The following PDE1C variants were observed in gnomAD, a reference collection of about 807,000 sequenced individuals.
The protein encoded by PDE1C is phosphodiesterase 1C.
In PDE1C, 62 loss-of-function variants were observed where a neutral mutation model predicts 93.1. The ratio of observed to expected loss-of-function variants is 0.67; its 90% confidence interval spans 0.54 to 0.82. The LOEUF is 0.82. Among genes scored for constraint, PDE1C ranks in the 40% least tolerant of loss-of-function variants. PDE1C has a pLI of 0.00. For missense variants in PDE1C, 742 were observed against 884.6 expected, an observed-to-expected ratio of 0.84 and a Z score of 2.04; for synonymous variants, 325 against 310.1, an observed-to-expected ratio of 1.05 and a Z score of -0.50.
intron 2 of PDE1C, among the ~76,000 whole-genome samples, chr7:31,965,829 C>A (rs778917301): frequency 1.6e-4 from 25 of 152,144 alleles, no homozygotes; most frequent in Non-Finnish European, 3.2e-4. Flanking sequence ...AAATAATTTC[C>A]AACCCAGAAT....
At chr7:32,333,158 G>A (rs1783547054) in intron 1 of PDE1C, among the ~76,000 whole-genome samples, 1 of 152,166 alleles carries the variant, frequency 6.6e-6, no homozygotes, top group Non-Finnish European at 1.5e-5. Flanking sequence ...TAGCCAGAGA[G>A]TCAGTGCCAA....
In PDE1C at chr7:32,087,077, A is replaced by G. The variant is rs1332787159; in HGVS notation, c.308+82708T>C. On this transcript the variant is annotated intron_variant, in intron 3 of 18. Transcript: ENST00000396193. ...TCAGAGTGAACAGGCAACCTACAAA[A>G]TGGGAGAAAATTTTCCCAACCTACT... is the stretch of plus-strand genomic sequence containing the variant. Among the ~76,000 whole-genome samples the G allele has an allele frequency of 3.9e-5, 6 of 152,126 alleles. No individual in the cohort carries two copies. In the East Asian group the frequency reaches 9.7e-4, roughly 24 times the overall value.
chr7:31,689,194 G>T, the PDE1C span, among the ~76,000 whole-genome samples: 2 of 152,120 alleles, frequency 1.3e-5, no homozygotes, highest in Non-Finnish European at 2.9e-5. Context: ...CCCTGTGTGA[G>T]TGTTAGAATT....
At chr7:32,070,271 A>G in intron 1 of PDE1C, 22 bp downstream of exon 1, 1 of 1,613,906 alleles carries the variant, frequency 6.2e-7, no homozygotes, top group Non-Finnish European at 8.5e-7. Flanking sequence ...ATGGGGCAGG[A>G]GAAGTAAATA....
At chr7:31,638,971 T>G in the PDE1C span, among the ~76,000 whole-genome samples, 1 of 152,122 alleles carries the variant, frequency 6.6e-6, no homozygotes, top group Non-Finnish European at 1.5e-5. Flanking sequence ...GACACGGGAT[T>G]TCACCATGTT....
the PDE1C span, among the ~76,000 whole-genome samples, chr7:31,659,083 A>G: frequency 7.2e-5 from 11 of 152,166 alleles, no homozygotes; most frequent in Admixed American, 7.2e-4. Flanking sequence ...ATTTGGGGAT[A>G]TTTTATAACT....
chr7:31,732,030 G>A, the PDE1C span, among the ~76,000 whole-genome samples: 5 of 152,202 alleles, frequency 3.3e-5, no homozygotes, highest in African/African-American at 1.2e-4. Flanking sequence ...CCCAGAGGAC[G>A]CCTGCACGCA....
intron 3 of PDE1C, among the ~76,000 whole-genome samples, chr7:32,097,130 A>G (rs1471709429): frequency 1.3e-5 from 2 of 152,138 alleles, no homozygotes; most frequent in Admixed American, 6.5e-5. Context: ...TTCTATTTAG[A>G]TCTTCAGTTT....
chr7:31,680,919 CAG>C, the PDE1C span, among the ~76,000 whole-genome samples: 1 of 152,152 alleles, frequency 6.6e-6, no homozygotes, highest in Non-Finnish European at 1.5e-5. Context: ...AGTCAAGCAT[CAG>C]AAAGCTCTGA....
chr7:31,811,855 G>A (rs77458769), intron 15 of PDE1C, among the ~76,000 whole-genome samples: 3,146 of 152,168 alleles, frequency 0.021, 52 homozygotes, highest in Middle Eastern at 0.041. Context: ...CACTGCCAGT[G>A]GGTGCCCAAA....
chr7:31,951,344 T>C (rs1458179029), intron 2 of PDE1C, among the ~76,000 whole-genome samples: 1 of 152,162 alleles, frequency 6.6e-6, no homozygotes, highest in African/African-American at 2.4e-5. Context: ...TATCTACAAA[T>C]AGACTCAAAG....
intron 1 of PDE1C, among the ~76,000 whole-genome samples, chr7:32,404,861 C>T (rs926966568): frequency 1.3e-5 from 2 of 152,174 alleles, no homozygotes; most frequent in African/African-American, 4.8e-5. Flanking sequence ...TTGCACAGGC[C>T]TCCTTGTCAT....
At chr7:31,628,324 G>GAC in the PDE1C span, among the ~76,000 whole-genome samples, 2 of 151,906 alleles carry the variant, frequency 1.3e-5, no homozygotes, top group African/African-American at 4.8e-5. Context: ...GGCAAGGAAG[G>GAC]ACAAATAGAG....
intron 2 of PDE1C, among the ~76,000 whole-genome samples, chr7:31,919,098 T>C (rs905573892): frequency 6.6e-6 from 1 of 152,220 alleles, no homozygotes; most frequent in Non-Finnish European, 1.5e-5. Flanking sequence ...TGCCAATTGT[T>C]TACTAACTTG....
At chr7:32,168,759 T>C (rs1802462820) in intron 3 of PDE1C, among the ~76,000 whole-genome samples, 1 of 152,204 alleles carries the variant, frequency 6.6e-6, no homozygotes, top group Non-Finnish European at 1.5e-5. Context: ...AACCCCTATT[T>C]AGCACTCCTT....
intron 1 of PDE1C, among the ~76,000 whole-genome samples, chr7:32,308,976 A>G (rs1358245095): frequency 6.6e-6 from 1 of 151,794 alleles, no homozygotes; most frequent in Admixed American, 6.6e-5. Flanking sequence ...ACTCAAACCA[A>G]TGGCAAAGAA....
chr7:32,359,955 C>T (rs1007754486), intron 1 of PDE1C, among the ~76,000 whole-genome samples: 1 of 152,310 alleles, frequency 6.6e-6, no homozygotes, highest in African/African-American at 2.4e-5. Context: ...CCATTGACTC[C>T]TCCTATAATT....
In PDE1C at chr7:32,399,581, C is replaced by CTTTTT. The variant is rs34748013; in HGVS notation, c.310+28236_310+28240dup. ...GGATCCACCCTATGACTTCATTTAACTTTTTTTTTTTTTTTTTTTGAGACA... is the reference window on the plus strand; with the variant it reads ...GGATCCACCCTATGACTTCATTTAACTTTTTTTTTTTTTTTTTTTTTTTTGAGACA... On this transcript the variant is annotated intron_variant, in intron 1 of 1. Transcript: ENST00000672256. 5.0e-3 allele frequency among the ~76,000 whole-genome samples: 582 copies of CTTTTT among 117,502 alleles called. 11 individuals carry two copies. The highest frequency in any genetic ancestry group is 0.018 in the African/African-American group (556 of 30,444). The allele number at this position is 117,502 out of a possible 152,430, so 77.1% of individuals were successfully genotyped here. A position where few individuals can be genotyped will look rare whatever the true frequency, so the allele number is the denominator to read the frequency against.
chr7:32,027,582 A>AG (rs1279821116), intron 2 of PDE1C, among the ~76,000 whole-genome samples: 1 of 9,580 alleles, frequency 1.0e-4, no homozygotes, highest in Admixed American at 9.7e-4. Context: ...GCAAAGGCAG[A>AG]AAAAAAAAAA....
Sources: gnomAD v4.1 joint callset for allele counts (sites outside exome capture counted in the v4.1 genomes callset) on GRCh38, gnomAD v4.1.1 for gene constraint, MANE v1.5 for transcripts, NCBI Gene and HGNC (gene_info 2026-07-23, HGNC 2026-07-21) for gene names.